CDH22: variants seen among roughly 807,000 people sequenced by gnomAD.
The protein encoded by CDH22 is cadherin 22, also known as cadherin-22.
CDH22 carries 30 observed loss-of-function variants against 58.4 expected under a neutral mutation model. That is an observed-to-expected ratio of 0.51 (90% CI 0.38 to 0.70). The LOEUF (loss-of-function observed/expected upper bound fraction) is 0.70, where lower values mean the gene tolerates loss of function less well. Among genes scored for constraint, CDH22 ranks in the 30% least tolerant of loss-of-function variants. CDH22 has a pLI of 0.00. For missense variants in CDH22, 1,014 were observed against 1,233.9 expected, an observed-to-expected ratio of 0.82 and a Z score of 2.67; for synonymous variants, 513 against 558.2, an observed-to-expected ratio of 0.92 and a Z score of 1.14.
chr20:46,283,284 T>G (rs2086559091), intron 1 of CDH22, among the ~76,000 whole-genome samples: 1 of 152,188 alleles, frequency 6.6e-6, no homozygotes, highest in Non-Finnish European at 1.5e-5. Context: ...GTCTGGAGTC[T>G]GAGTAGAGTG....
At chr20:46,242,321 G>T (rs561272643) in intron 2 of CDH22, among the ~76,000 whole-genome samples, 3 of 152,326 alleles carry the variant, frequency 2.0e-5, no homozygotes, top group Non-Finnish European at 4.4e-5. Context: ...TCCATCTAAA[G>T]CCTCCGGAGA....
chr20:46,217,118 GC>G, intron 4 of CDH22, 125 bp from the exon 5 acceptor site: 2 of 847,882 alleles, frequency 2.4e-6, no homozygotes, highest in Non-Finnish European at 3.6e-6. Context: ...AGGAGAGTGG[GC>G]CACACAAGGA....
rs761993377 is a variant in CDH22, at chr20:46,178,188, G to A, written c.1673C>T (p.Ala558Val). 6.2e-7 allele frequency: 1 copy of A among 1,612,772 alleles called. No homozygotes were observed. Among genetic ancestry groups the A allele is most frequent in the South Asian group, 1.1e-5 (1 of 91,050 alleles). The change falls in exon 11 of 12, where the codon GCT becomes GTT. Residue 558 changes from alanine (A) to valine (V), a missense_variant. By Grantham distance (64) the Ala-to-Val change is moderately conservative (BLOSUM62 0). Coordinates refer to ENST00000537909, the MANE Select transcript of CDH22 (RefSeq NM_021248.3). ...FSLLDIQDNT[A>V]AVHTQHVGFN... The stretch of plus-strand genomic sequence containing the variant: ...GCCCACGTGCTGCGTGTGCACTGCA[G>A]CGGTGTTGTCTGTTCCGGAAGAAGG...
chr20:46,305,911 C>A (rs1383872213), intron 1 of CDH22, among the ~76,000 whole-genome samples: 1 of 152,246 alleles, frequency 6.6e-6, no homozygotes, highest in Non-Finnish European at 1.5e-5. Context: ...CCTGGGGAAG[C>A]AGCAGGGGCT....
rs1288306128 is a variant in CDH22 at position 46,210,815 on chromosome 20, CT to C, written c.1033-256del. On this transcript the variant is annotated intron_variant, in intron 6 of 11. Coordinates refer to ENST00000537909, the MANE Select transcript of CDH22 (RefSeq NM_021248.3). This position sits in a 1 kb window ranked among gnomAD's most constrained non-coding sequence, Gnocchi z 4.5. ...CAGGCTAACGCGCTGAGCACCCAAA[CT>C]TCCTGCTTCCCAGCGCAGTGTTGGC... is the stretch of plus-strand genomic sequence containing the variant. Among the ~76,000 whole-genome samples, 1 of 152,232 alleles carries C rather than the reference CT, an allele frequency of 6.6e-6. No homozygotes were observed. The highest frequency in any genetic ancestry group is 2.4e-5 in the African/African-American group (1 of 41,456).
intron 1 of CDH22, among the ~76,000 whole-genome samples, chr20:46,271,586 C>A (rs1192963621): frequency 6.6e-6 from 1 of 152,052 alleles, no homozygotes; most frequent in African/African-American, 2.4e-5. Flanking sequence ...GCTTCTACTC[C>A]CAACATGCAC....
At position 46,174,827 on chromosome 20, in the gene CDH22, C is replaced by T. The variant is rs2085725089; in HGVS notation, c.2166G>A (p.Pro722=). 2.1e-6 allele frequency: 3 copies of T among 1,429,880 alleles called. No homozygotes were observed. Among genetic ancestry groups the T allele is most frequent in the African/African-American group, 1.5e-5 (1 of 67,604 alleles). The allele number at this position is 1,429,880 out of a possible 1,614,324, so 88.6% of individuals were successfully genotyped here. A position where few individuals can be genotyped will look rare whatever the true frequency, so the allele number is the denominator to read the frequency against. ...GGSGGGAGSP[P]QAHLPSERHS... is the part of the protein sequence containing the mutation. ...GGCGCTCGGAGGGCAGGTGGGCCTG[C>T]GGGGGGCTGCCCGCGCCCCCGCCCG... is the stretch of plus-strand genomic sequence containing the variant. The change falls in exon 12 of 12, where the codon CCG becomes CCA. Residue 722 remains proline, a synonymous_variant. Transcript: ENST00000537909. This position sits in a 1 kb window ranked among gnomAD's most constrained non-coding sequence, Gnocchi z 4.4.
chr20:46,198,948 C>G (rs935625430), intron 8 of CDH22, among the ~76,000 whole-genome samples: 1 of 152,208 alleles, frequency 6.6e-6, no homozygotes, highest in Non-Finnish European at 1.5e-5. Flanking sequence ...CAGCCTCCTT[C>G]TCTCCTTGTT....
chr20:46,285,159 G>C (rs767888368), intron 1 of CDH22, among the ~76,000 whole-genome samples: 1 of 152,216 alleles, frequency 6.6e-6, no homozygotes, highest in East Asian at 1.9e-4. Flanking sequence ...GTGACCATCC[G>C]GTCTGTGGAC....
chr20:46,302,441 C>T (rs1163151447), intron 1 of CDH22, among the ~76,000 whole-genome samples: 1 of 152,202 alleles, frequency 6.6e-6, no homozygotes, highest in Non-Finnish European at 1.5e-5. Flanking sequence ...AGTTGAAAAA[C>T]ACTGATCTAA....
At chr20:46,287,645 A>G (rs896323888) in intron 1 of CDH22, among the ~76,000 whole-genome samples, 1 of 151,714 alleles carries the variant, frequency 6.6e-6, no homozygotes, top group Non-Finnish European at 1.5e-5. Context: ...AGCAGGCAGG[A>G]GGCCACACCG....
Position 46,174,638 on chromosome 20 carries a change from G to T in CDH22, c.2355C>A (p.Leu785=), listed in dbSNP as rs749341851. ...FEGADSPAAS[L]SSLHSGSSGS... ...CCGACGAGCCGCTGTGCAGGGAGCTGAGCGAGGCGGCCGGCGAGTCCGCGC... is the reference window on the plus strand; with the variant it reads ...CCGACGAGCCGCTGTGCAGGGAGCTTAGCGAGGCGGCCGGCGAGTCCGCGC... The change falls in exon 12 of 12, where the codon CTC becomes CTA. Residue 785 remains leucine (L), a synonymous_variant. Coordinates refer to ENST00000537909, the MANE Select transcript of CDH22 (RefSeq NM_021248.3). This position sits in a 1 kb window ranked among gnomAD's most constrained non-coding sequence, Gnocchi z 4.4. The T allele has an allele frequency of 6.4e-7, 1 of 1,552,222 alleles. No individual in the cohort carries two copies.
chr20:46,279,164 C>T (rs2425845), intron 1 of CDH22, among the ~76,000 whole-genome samples: 138,572 of 152,238 alleles, frequency 0.91, 63,614 homozygotes, highest in East Asian at 1. Context: ...CTGAATGAGA[C>T]AATGCGCACA....
chr20:46,270,808 G>A (rs1267824602), intron 1 of CDH22, among the ~76,000 whole-genome samples: 4 of 152,186 alleles, frequency 2.6e-5, no homozygotes, highest in Non-Finnish European at 5.9e-5. Flanking sequence ...ATTTAATGCT[G>A]ATGATATTTA....
intron 3 of CDH22, among the ~76,000 whole-genome samples, chr20:46,236,625 A>C (rs963421509): frequency 1.4e-5 from 2 of 140,884 alleles, no homozygotes; most frequent in Non-Finnish European, 3.0e-5. Context: ...ATTAATATCT[A>C]TATTTGTATA....
intron 1 of CDH22, among the ~76,000 whole-genome samples, chr20:46,260,210 A>C (rs2086426527): frequency 6.6e-6 from 1 of 152,196 alleles, no homozygotes. Flanking sequence ...GCATGTGGAA[A>C]TAGGTGATGG....
intron 1 of CDH22, among the ~76,000 whole-genome samples, chr20:46,297,928 A>C (rs923957756): frequency 2.0e-5 from 3 of 151,696 alleles, no homozygotes; most frequent in African/African-American, 7.3e-5. Context: ...TGGTCCCCTC[A>C]CCTTCGTCCT....
At chr20:46,283,170 G>A (rs997018553) in intron 1 of CDH22, among the ~76,000 whole-genome samples, 1 of 152,248 alleles carries the variant, frequency 6.6e-6, no homozygotes, top group Non-Finnish European at 1.5e-5. Flanking sequence ...GGAGATGCCT[G>A]GATGTACCTC....
chr20:46,302,626 C>G (rs2086657231), intron 1 of CDH22, among the ~76,000 whole-genome samples: 1 of 152,172 alleles, frequency 6.6e-6, no homozygotes, highest in Non-Finnish European at 1.5e-5. Context: ...ATTTTACAGA[C>G]TCATCCTGGA....
Sources: gnomAD v4.1 joint callset for allele counts (sites outside exome capture counted in the v4.1 genomes callset) on GRCh38, gnomAD v4.1.1 for gene constraint, Gnocchi (gnomAD v3.1) non-coding constraint, MANE v1.5 for transcripts, NCBI Gene and HGNC (gene_info 2026-07-23, HGNC 2026-07-21) for gene names.